The following MYO5B variants were observed in gnomAD, a reference collection of about 807,000 sequenced individuals.
MYO5B encodes the protein myosin VB, also known as unconventional myosin-Vb.
MYO5B carries 143 observed loss-of-function variants against 229.3 expected under a neutral mutation model. The observed-to-expected ratio is 0.62, with a 90% CI of 0.54 to 0.72. The LOEUF is 0.72. Among genes scored for constraint, MYO5B ranks in the 30% least tolerant of loss-of-function variants. MYO5B has a pLI of 0.00. For missense variants in MYO5B, 2,321 were observed against 2,331.0 expected (o/e 1.00, Z 0.09); for synonymous variants, 918 against 885.2 (o/e 1.04, Z -0.66).
chr18:49,866,032 T>C (rs2024391560), intron 27 of MYO5B, among the ~76,000 whole-genome samples: 1 of 152,304 alleles, frequency 6.6e-6, no homozygotes, highest in Middle Eastern at 3.4e-3. Flanking sequence ...GCATGCTTTA[T>C]TGTGGTAAAA....
At chr18:49,868,912 C>T (rs1383307418) in intron 27 of MYO5B, among the ~76,000 whole-genome samples, 3 of 152,240 alleles carry the variant, frequency 2.0e-5, no homozygotes, top group African/African-American at 7.2e-5. Context: ...TTAATTTTTG[C>T]ATTCCAGAAG....
At chr18:50,002,542 T>C (rs1038739190) in intron 4 of MYO5B, among the ~76,000 whole-genome samples, 2 of 152,018 alleles carry the variant, frequency 1.3e-5, no homozygotes, top group African/African-American at 2.4e-5. Context: ...CTGTCTTCAT[T>C]TGGAAAAGAA....
chr18:50,144,696 C>A (rs562736025), intron 1 of MYO5B, among the ~76,000 whole-genome samples: 33 of 152,326 alleles, frequency 2.2e-4, no homozygotes, highest in African/African-American at 2.4e-5. Flanking sequence ...GATATTCCAA[C>A]TGAGTGAAAC....
At chr18:49,854,902 G>A (rs1384815853) in intron 30 of MYO5B, among the ~76,000 whole-genome samples, 2 of 152,170 alleles carry the variant, frequency 1.3e-5, no homozygotes, top group East Asian at 1.9e-4. Context: ...CTCCATAGCA[G>A]CACTGGGTGT....
intron 14 of MYO5B, among the ~76,000 whole-genome samples, chr18:49,939,653 T>C (rs892987314): frequency 9.9e-5 from 15 of 152,160 alleles, no homozygotes; most frequent in Admixed American, 7.9e-4. Context: ...CCAAGCACAA[T>C]GGTCAGCACC....
At chr18:49,976,267 G>A (rs191398478) in intron 9 of MYO5B, among the ~76,000 whole-genome samples, 26 of 152,236 alleles carry the variant, frequency 1.7e-4, no homozygotes, top group Admixed American at 1.5e-3. Context: ...ACAGATAACT[G>A]TATTATTTCT....
intron 4 of MYO5B, among the ~76,000 whole-genome samples, chr18:50,019,809 T>G (rs1284766761): frequency 2.6e-5 from 4 of 152,140 alleles, no homozygotes; most frequent in Admixed American, 6.5e-5. Flanking sequence ...TTCGTCTGCT[T>G]TAAAATAAAA....
chr18:50,028,516 G>T (rs1222874875), intron 4 of MYO5B, among the ~76,000 whole-genome samples: 1 of 152,056 alleles, frequency 6.6e-6, no homozygotes, highest in East Asian at 1.9e-4. Flanking sequence ...GGGCCAGAGT[G>T]GGGGGCAAGG....
chr18:50,047,535 T>C (rs901028421), intron 2 of MYO5B, among the ~76,000 whole-genome samples: 6 of 152,216 alleles, frequency 3.9e-5, no homozygotes, highest in African/African-American at 1.4e-4. Flanking sequence ...AGTGTGGCGA[T>C]TCCTCAGGGA....
intron 1 of MYO5B, among the ~76,000 whole-genome samples, chr18:50,059,698 C>A (rs2144425566): frequency 6.6e-6 from 1 of 152,320 alleles, no homozygotes; most frequent in East Asian, 1.9e-4. Flanking sequence ...CCAGCTGCCA[C>A]CTCCCCGCTC....
chr18:49,864,090 C>T (rs1439927686), intron 28 of MYO5B, 51 bp downstream of exon 28: 2 of 1,596,198 alleles, frequency 1.3e-6, no homozygotes, highest in Non-Finnish European at 1.7e-6. Context: ...CACTAATCTA[C>T]CACCTAGGGT....
intron 4 of MYO5B, among the ~76,000 whole-genome samples, chr18:50,033,764 C>T (rs544071095): frequency 3.0e-4 from 45 of 152,144 alleles, no homozygotes; most frequent in African/African-American, 1.0e-3. Context: ...ATTTTAACAC[C>T]CCCTTTTTCT....
chr18:50,023,764 C>T (rs1225402043), intron 4 of MYO5B, among the ~76,000 whole-genome samples: 3 of 152,036 alleles, frequency 2.0e-5, no homozygotes, highest in South Asian at 2.1e-4. Flanking sequence ...GGTAGCAGGG[C>T]GGCTGGTATC....
chr18:50,168,185 T>C (rs182480954), intron 1 of MYO5B, among the ~76,000 whole-genome samples: 45 of 152,296 alleles, frequency 3.0e-4, no homozygotes, highest in Admixed American at 1.6e-3. Context: ...CATCACTCCC[T>C]CTAACAGCAT....
In MYO5B at chr18:49,843,258, T is replaced by A. The variant is rs1402902569; in HGVS notation, c.4594A>T (p.Ile1532Phe). Reference sequence around the variant, plus strand: ...CTGCTTACTTTCAGGACTTTCTTAATGCCGTTGATGGTGGAGGTCAGCAGG... The same window carrying A: ...CTGCTTACTTTCAGGACTTTCTTAAAGCCGTTGATGGTGGAGGTCAGCAGG... ...HSLLTSTINGIKKVLKKHNDD... is the reference protein window; with the variant it reads ...HSLLTSTINGFKKVLKKHNDD... Residue 1532 changes from isoleucine to phenylalanine, a missense_variant, in exon 34 of 40, where the codon ATT becomes TTT. Physicochemically the swap from Ile to Phe is conservative, Grantham distance 21. Around this residue, in one of 2 missense-constraint regions of MYO5B, gnomAD observed 2,113 missense variants for 2,044.7 expected, o/e 1.03. Coordinates refer to ENST00000285039, the MANE Select transcript of MYO5B (RefSeq NM_001080467.3). 6.2e-7 allele frequency: 1 copy of A among 1,614,166 alleles called. No homozygotes were observed. Among genetic ancestry groups the A allele is most frequent in the South Asian group, 1.1e-5 (1 of 91,076 alleles).
At chr18:50,007,957 G>GAC (rs2026120487) in intron 4 of MYO5B, among the ~76,000 whole-genome samples, 2 of 152,114 alleles carry the variant, frequency 1.3e-5, no homozygotes, top group Admixed American at 6.5e-5. Context: ...TAGCTAGTGA[G>GAC]ACACTGAGCC....
At chr18:49,965,295 C>T (rs1048989534) in intron 10 of MYO5B, among the ~76,000 whole-genome samples, 3 of 152,192 alleles carry the variant, frequency 2.0e-5, no homozygotes, top group African/African-American at 7.2e-5. Flanking sequence ...ATTATACACA[C>T]ATTGGCAGCT....
chr18:49,988,348 T>A (rs4245233), intron 7 of MYO5B, among the ~76,000 whole-genome samples: 3 of 152,174 alleles, frequency 2.0e-5, no homozygotes, highest in Non-Finnish European at 4.4e-5. Context: ...CACAAGCGCT[T>A]GTCAAAGGCT....
intron 18 of MYO5B, among the ~76,000 whole-genome samples, chr18:49,908,111 T>C (rs551641543): frequency 6.6e-6 from 1 of 152,284 alleles, no homozygotes; most frequent in Admixed American, 6.5e-5. Flanking sequence ...GTCTACCGCA[T>C]CCAAGCAACA....
Sources: allele counts gnomAD v4.1 joint callset (sites outside exome capture counted in the v4.1 genomes callset), GRCh38; gene constraint gnomAD v4.1.1; regional missense constraint gnomAD v4.1.1; transcripts MANE v1.5; gene names NCBI Gene and HGNC (gene_info 2026-07-23, HGNC 2026-07-21).